Variants in MYO16 observed in about 807,000 individuals in gnomAD.
MYO16 encodes the protein myosin XVI.
MYO16 carries 94 observed loss-of-function variants against 205.3 expected under a neutral mutation model. The ratio of observed to expected loss-of-function variants is 0.46; its 90% confidence interval spans 0.39 to 0.54. The LOEUF is 0.54. Among genes scored for constraint, MYO16 ranks in the 20% least tolerant of loss-of-function variants. The probability of loss-of-function intolerance (pLI) is 0.00; values close to 1 mark genes in which losing one functional copy is unlikely to be tolerated. For synonymous variants in MYO16, 988 were observed against 954.0 expected (o/e 1.04, Z -0.66); for missense variants, 2,315 against 2,387.5 (o/e 0.97, Z 0.63).
At chr13:108,510,965 TTATAGTCA>T in the MYO16 span, among the ~76,000 whole-genome samples, 1 of 31,510 alleles carries the variant, frequency 3.2e-5, no homozygotes, top group Admixed American at 3.5e-4. Context: ...GCAGCATGAT[TTATAGTCA>T]TTTGGGTATA....
At chr13:108,905,074 G>T (rs184337786) in intron 15 of MYO16, among the ~76,000 whole-genome samples, 70 of 151,564 alleles carry the variant, frequency 4.6e-4, no homozygotes, top group Non-Finnish European at 7.8e-4. Flanking sequence ...TAATTTACTC[G>T]CAAGTCACCT....
At chr13:108,961,006 G>A (rs954421490) in intron 17 of MYO16, among the ~76,000 whole-genome samples, 1 of 152,038 alleles carries the variant, frequency 6.6e-6, no homozygotes, top group African/African-American at 2.4e-5. Context: ...TTTTCATTAG[G>A]CCTCCTTTAG....
chr13:108,622,717 G>A (rs1345026555), intron 1 of MYO16, among the ~76,000 whole-genome samples: 1 of 151,910 alleles, frequency 6.6e-6, no homozygotes, highest in African/African-American at 2.4e-5. Flanking sequence ...GAGGTAAGAG[G>A]AGAGGCCAAA....
In MYO16 at chr13:108,793,613, T is replaced by C. The variant is rs766910032; in HGVS notation, c.714T>C (p.Asn238=). The change falls in exon 6 of 35, where the codon AAT becomes AAC. Residue 238 remains asparagine, a synonymous_variant. Transcript: ENST00000457511. ...TCTTATCATCTGGAGGAAATGTCAA[T>C]GAGAAAAACGATGAAGGAGTAACCC... ...KHFLSSGGNV[N]EKNDEGVTLL... 5 of 1,613,148 alleles carry C rather than the reference T, an allele frequency of 3.1e-6. No individual in the cohort carries two copies. The South Asian group carries it at 5.5e-5, about 18-fold the overall frequency.
chr13:108,991,099 T>C (rs1363302244), intron 20 of MYO16, among the ~76,000 whole-genome samples: 1 of 152,198 alleles, frequency 6.6e-6, no homozygotes, highest in Non-Finnish European at 1.5e-5. Flanking sequence ...TATACGTCAA[T>C]GATGTGGAAG....
chr13:108,691,384 G>A (rs1882888911), intron 2 of MYO16, among the ~76,000 whole-genome samples: 1 of 151,926 alleles, frequency 6.6e-6, no homozygotes, highest in South Asian at 2.1e-4. Flanking sequence ...TAAATTAGAG[G>A]TGTAGGGGTG....
At chr13:108,665,447 A>G (rs1881682414) in intron 1 of MYO16, among the ~76,000 whole-genome samples, 1 of 152,190 alleles carries the variant, frequency 6.6e-6, no homozygotes, top group Admixed American at 6.5e-5. Context: ...TAACAGCGTC[A>G]TGATTAGTCA....
At position 109,125,095 on chromosome 13, in the gene MYO16, T is replaced by C. The variant is rs1385792499; in HGVS notation, c.3536-17T>C. ...CACTTTTCCTCCATTTACTAACCCA[T>C]GATCCTTCTATAAAAGTTATCAGAG... is the stretch of plus-strand genomic sequence containing the variant. On this transcript the variant is annotated splice_polypyrimidine_tract_variant and intron_variant, in intron 29 of 34. Coordinates refer to ENST00000457511, the MANE Select transcript of MYO16 (RefSeq NM_001198950.3). The surrounding 1 kb of genome is among the most constrained non-coding windows in gnomAD (Gnocchi z 4.0). The C allele has an allele frequency of 6.2e-7, 1 of 1,613,366 alleles. No homozygotes were observed. The highest frequency in any genetic ancestry group is 1.7e-5 in the Admixed American group (1 of 59,940).
rs931088135 is a variant in MYO16 at position 108,721,119 on chromosome 13, C to T, written c.364-6321C>T. On this transcript the variant is annotated intron_variant, in intron 3 of 34. Transcript: ENST00000457511. Reference sequence around the variant, plus strand: ...ATTGTGTTGAGTTTGTATATTAAGACATATTACCTTTGTTTAGAAAGTTAC... The same window carrying T: ...ATTGTGTTGAGTTTGTATATTAAGATATATTACCTTTGTTTAGAAAGTTAC... 3.9e-5 allele frequency among the ~76,000 whole-genome samples: 6 copies of T among 152,162 alleles called. No homozygotes were observed. The East Asian group carries it at 5.8e-4, about 15-fold the overall frequency.
intron 21 of MYO16, among the ~76,000 whole-genome samples, chr13:108,999,735 T>C (rs570452647): frequency 2.0e-5 from 3 of 152,298 alleles, no homozygotes; most frequent in Admixed American, 2.0e-4. Flanking sequence ...ATAATTTAAG[T>C]AGCTCATAGA....
intron 14 of MYO16, among the ~76,000 whole-genome samples, chr13:108,891,198 C>T (rs928630260): frequency 4.6e-5 from 7 of 152,208 alleles, no homozygotes; most frequent in African/African-American, 1.7e-4. Flanking sequence ...ATTTGTATGT[C>T]ATCAGGAGGC....
chr13:109,036,253 T>C (rs1426145030), intron 23 of MYO16, among the ~76,000 whole-genome samples: 1 of 152,148 alleles, frequency 6.6e-6, no homozygotes, highest in Non-Finnish European at 1.5e-5. Context: ...TCTCTTGCCT[T>C]TGGATTTCAG....
chr13:108,947,678 G>A (rs1882989456), intron 16 of MYO16, among the ~76,000 whole-genome samples: 1 of 152,132 alleles, frequency 6.6e-6, no homozygotes, highest in Admixed American at 6.5e-5. Flanking sequence ...CACCCTGTCT[G>A]TCTCCACCCC....
intron 23 of MYO16, among the ~76,000 whole-genome samples, chr13:109,026,256 G>A (rs145534299): frequency 0.013 from 2,018 of 152,238 alleles, 17 homozygotes; most frequent in Non-Finnish European, 0.023. Flanking sequence ...TTAAGTTACA[G>A]ATCTTGAGAT....
chr13:108,624,516 T>TG (rs1296722106), intron 1 of MYO16, among the ~76,000 whole-genome samples: 1 of 152,214 alleles, frequency 6.6e-6, no homozygotes, highest in African/African-American at 2.4e-5. Flanking sequence ...CATTAAGATA[T>TG]GCAAACTTTT....
chr13:108,873,565 C>T (rs895415830), intron 12 of MYO16, among the ~76,000 whole-genome samples: 2 of 152,230 alleles, frequency 1.3e-5, no homozygotes, highest in African/African-American at 4.8e-5. Flanking sequence ...TCACAGCGGG[C>T]GAGTCAGCAG....
intron 6 of MYO16, among the ~76,000 whole-genome samples, chr13:108,798,950 C>A (rs911708006): frequency 1.2e-4 from 18 of 149,922 alleles, no homozygotes; most frequent in Admixed American, 8.0e-4. Flanking sequence ...CATGATCCAC[C>A]CGCCTCGGCC....
rs536612831 is a variant in MYO16 at position 109,127,335 on chromosome 13, G to C, written c.3836G>C (p.Cys1279Ser). The C allele has an allele frequency of 2.5e-6, 4 of 1,611,296 alleles. No homozygotes were observed. The highest frequency in any genetic ancestry group is 2.7e-5 in the African/African-American group (2 of 75,002). The part of the protein sequence containing the change: ...RHFHPSSMSV[C>S]AAVDGLGQCL... ...TTCCACCCCAGCTCCATGTCAGTCT[G>C]CGCGGCCGTGGATGGCCTGGGCCAG... The change falls in exon 31 of 35, where the codon TGC becomes TCC. Residue 1279 changes from cysteine to serine, a missense_variant. Physicochemically the swap from Cys to Ser is moderately radical, Grantham distance 112. Coordinates refer to ENST00000457511, the MANE Select transcript of MYO16 (RefSeq NM_001198950.3). This position sits in a 1 kb window ranked among gnomAD's most constrained non-coding sequence, Gnocchi z 4.2.
At chr13:108,878,772 T>G (rs981459887) in intron 12 of MYO16, among the ~76,000 whole-genome samples, 11 of 152,238 alleles carry the variant, frequency 7.2e-5, no homozygotes, top group African/African-American at 2.7e-4. Context: ...CCCAGGCTCC[T>G]GTACCTGCCC....
Sources: gnomAD v4.1 joint callset for allele counts (sites outside exome capture counted in the v4.1 genomes callset) on GRCh38, gnomAD v4.1.1 for gene constraint, Gnocchi (gnomAD v3.1) non-coding constraint, MANE v1.5 for transcripts, NCBI Gene and HGNC (gene_info 2026-07-23, HGNC 2026-07-21) for gene names.